SHANK2: variants seen among roughly 807,000 people sequenced by gnomAD.
The protein encoded by SHANK2 is SH3 and multiple ankyrin repeat domains 2.
Under a neutral mutation model 133.7 loss-of-function variants are expected in SHANK2, and 43 were observed. The ratio of observed to expected loss-of-function variants is 0.32; its 90% CI spans 0.25 to 0.41. The LOEUF (loss-of-function observed/expected upper bound fraction) is 0.41. Among genes scored for constraint, SHANK2 ranks in the 10% least tolerant of loss-of-function variants. SHANK2 has a pLI of 1.00. For missense variants in SHANK2, 1,994 were observed against 2,235.8 expected, an observed-to-expected ratio of 0.89 and a Z score of 2.18; for synonymous variants, 1,017 against 952.8, an observed-to-expected ratio of 1.07 and a Z score of -1.24.
intron 17 of SHANK2, among the ~76,000 whole-genome samples, chr11:70,575,518 C>CAA (rs71049923): frequency 1.0e-3 from 143 of 139,576 alleles, no homozygotes; most frequent in Non-Finnish European, 1.3e-3. Flanking sequence ...GACTCTGCCT[C>CAA]AAAAAAAAAA....
chr11:71,083,300 G>T (rs1311737961), intron 8 of SHANK2, among the ~76,000 whole-genome samples: 1 of 152,122 alleles, frequency 6.6e-6, no homozygotes, highest in Non-Finnish European at 1.5e-5. Context: ...TGACAATGAT[G>T]ACAATGAGGA....
intron 10 of SHANK2, among the ~76,000 whole-genome samples, chr11:70,915,688 C>A (rs978792375): frequency 2.6e-5 from 4 of 152,182 alleles, no homozygotes; most frequent in Admixed American, 6.5e-5. Flanking sequence ...CAGGAGCCCA[C>A]CCCACAAAAG....
chr11:70,776,687 C>A (rs533485802), intron 14 of SHANK2, among the ~76,000 whole-genome samples: 2 of 152,070 alleles, frequency 1.3e-5, no homozygotes, highest in Admixed American at 6.5e-5. Context: ...TACCTAGTCA[C>A]CCATCCTCCC....
chr11:71,081,244 G>A (rs1031759608), intron 8 of SHANK2, among the ~76,000 whole-genome samples: 1 of 152,266 alleles, frequency 6.6e-6, no homozygotes, highest in East Asian at 1.9e-4. Flanking sequence ...CCTTCGTTTG[G>A]GACTCCAGCC....
In SHANK2 at chr11:70,830,164, A is replaced by C. The variant is rs920880196; in HGVS notation, c.1175-9482T>G. On this transcript the variant is annotated intron_variant, in intron 11 of 25. Coordinates refer to ENST00000601538, the MANE Select transcript of SHANK2 (RefSeq NM_012309.5). The surrounding 1 kb of genome is among the most constrained non-coding windows in gnomAD (Gnocchi z 4.4). Reference sequence around the variant, plus strand: ...TTGTGCAGCCTCCAGGGCAGTTTTCATCTGGTGTCCCCATCCCTGCCTTTC... The same window carrying C: ...TTGTGCAGCCTCCAGGGCAGTTTTCCTCTGGTGTCCCCATCCCTGCCTTTC... Among the ~76,000 whole-genome samples the C allele has an allele frequency of 1.3e-5, 2 of 152,124 alleles. No homozygotes were observed. The highest frequency in any genetic ancestry group is 4.8e-5 in the African/African-American group (2 of 41,408).
At chr11:70,674,112 C>A (rs1025787177) in intron 15 of SHANK2, among the ~76,000 whole-genome samples, 2 of 152,208 alleles carry the variant, frequency 1.3e-5, no homozygotes, top group East Asian at 3.8e-4. Flanking sequence ...TTCCTCTTCT[C>A]TCTCTTTCCT....
rs115021265 is a variant in SHANK2, at chr11:71,209,702, C to T, written c.-13+14995G>A. Among the ~76,000 whole-genome samples the T allele has an allele frequency of 6.0e-3, 919 of 152,296 alleles. 9 individuals carry two copies. The highest frequency in any genetic ancestry group is 0.021 in the African/African-American group (878 of 41,560). ...TGTGCTGGGTGCTCCTGCAGGAGAC[C>T]CTCCATACTGCGTGTCCCTGGACTA... On this transcript the variant is annotated intron_variant, in intron 2 of 25. Transcript: ENST00000601538.
intron 15 of SHANK2, among the ~76,000 whole-genome samples, chr11:70,689,766 C>T (rs1177125921): frequency 2.6e-4 from 39 of 152,176 alleles, no homozygotes; most frequent in African/African-American, 8.7e-4. Flanking sequence ...AACCTAACAT[C>T]AGAACTTCAA....
intron 17 of SHANK2, among the ~76,000 whole-genome samples, chr11:70,582,423 C>T (rs1341120573): frequency 6.6e-6 from 1 of 152,268 alleles, no homozygotes; most frequent in African/African-American, 2.4e-5. Context: ...TAGGCCTGCT[C>T]GGCAGATGGG....
intron 8 of SHANK2, among the ~76,000 whole-genome samples, chr11:71,078,922 A>G (rs1320266828): frequency 6.6e-6 from 1 of 152,242 alleles, no homozygotes; most frequent in Non-Finnish European, 1.5e-5. Context: ...CAGCTGCTTC[A>G]ATAAAGGTTT....
intron 14 of SHANK2, among the ~76,000 whole-genome samples, chr11:70,776,582 T>C (rs1429711720): frequency 6.6e-6 from 1 of 152,124 alleles, no homozygotes; most frequent in African/African-American, 2.4e-5. Context: ...AGGTTTACAA[T>C]AGGAAGGGAT....
At chr11:70,901,581 A>G (rs1674754442) in intron 10 of SHANK2, among the ~76,000 whole-genome samples, 1 of 152,170 alleles carries the variant, frequency 6.6e-6, no homozygotes, top group South Asian at 2.1e-4. Context: ...CTTGTTTCAA[A>G]TAACATTTCG....
In SHANK2 at chr11:70,647,464, T is replaced by C. The variant is rs1246392769; in HGVS notation, c.2061+12364A>G. On this transcript the variant is annotated intron_variant, in intron 17 of 25. Transcript: ENST00000601538. Reference sequence around the variant, plus strand: ...GGATCTTGGAAGAACAGCCTGGCTCTACCACTCGCCGTGTGTCTGTGGGTA... The same window carrying C: ...GGATCTTGGAAGAACAGCCTGGCTCCACCACTCGCCGTGTGTCTGTGGGTA... The C allele has an allele frequency of 2.0e-5, 3 of 152,232 alleles. No individual in the cohort carries two copies. The East Asian group carries it at 5.8e-4, about 29-fold the overall frequency. 9.4% of individuals were successfully genotyped at this position (152,232 alleles called of 1,614,324 possible).
At chr11:70,724,963 T>C (rs1206032884) in intron 14 of SHANK2, among the ~76,000 whole-genome samples, 5 of 152,086 alleles carry the variant, frequency 3.3e-5, no homozygotes, top group African/African-American at 4.8e-5. Context: ...TTAAAACCAG[T>C]CCCAACCAAA....
In SHANK2 at chr11:70,472,826, T is replaced by C. The variant is rs782657286; in HGVS notation, c.*43A>G. The C allele has an allele frequency of 1.3e-5, 21 of 1,582,834 alleles. No homozygotes were observed. Among genetic ancestry groups the C allele is most frequent in the Non-Finnish European group, 1.7e-5 (20 of 1,151,502 alleles). On this transcript the variant is annotated 3_prime_UTR_variant, in exon 26 of 26. Transcript: ENST00000601538. This position sits in a 1 kb window ranked among gnomAD's most constrained non-coding sequence, Gnocchi z 4.4. ...AGATGTTTCAGCACGAGCCCATCTC[T>C]ACTTATAACAAGAGCAGTCTGCGAG...
At chr11:70,784,176 C>T (rs1591841029) in intron 14 of SHANK2, among the ~76,000 whole-genome samples, 1 of 151,646 alleles carries the variant, frequency 6.6e-6, no homozygotes, top group East Asian at 1.9e-4. Context: ...CACAGAAACC[C>T]CTGCTTTTTT....
chr11:71,222,694 C>T (rs1317080980), intron 2 of SHANK2, among the ~76,000 whole-genome samples: 11 of 152,374 alleles, frequency 7.2e-5, no homozygotes, highest in Admixed American at 4.6e-4. Flanking sequence ...GGCTCAACCC[C>T]GAGCCTGCAG....
chr11:70,492,785 G>A (rs1420950622), intron 21 of SHANK2, among the ~76,000 whole-genome samples: 1 of 90,708 alleles, frequency 1.1e-5, no homozygotes, highest in African/African-American at 3.7e-5. Flanking sequence ...GGACATTTCT[G>A]TGTTTTTTTT....
chr11:70,611,617 C>T (rs568945640), intron 17 of SHANK2, among the ~76,000 whole-genome samples: 1 of 152,320 alleles, frequency 6.6e-6, no homozygotes, highest in Non-Finnish European at 1.5e-5. Context: ...TCATTCCATT[C>T]TTTATTTTGG....
Sources: gnomAD v4.1 joint callset for allele counts (sites outside exome capture counted in the v4.1 genomes callset) on GRCh38, gnomAD v4.1.1 for gene constraint, Gnocchi (gnomAD v3.1) non-coding constraint, MANE v1.5 for transcripts, NCBI Gene and HGNC (gene_info 2026-07-23, HGNC 2026-07-21) for gene names.